Variants in KDM4C observed in about 807,000 individuals in gnomAD.
The protein encoded by KDM4C is lysine-specific demethylase 4C.
Under a neutral mutation model 129.3 loss-of-function variants are expected in KDM4C, and 81 were observed. The observed-to-expected ratio is 0.63, with a 90% confidence interval of 0.52 to 0.75. KDM4C has a LOEUF of 0.75. Ranked by LOEUF, KDM4C falls within the 30% of genes least tolerant of loss-of-function variation. The probability of loss-of-function intolerance (pLI) is 0.00; values close to 1 mark genes in which losing one functional copy is unlikely to be tolerated. For missense variants in KDM4C, 1,457 were observed against 1,304.0 expected, an observed-to-expected ratio of 1.12 and a Z score of -1.81; for synonymous variants, 573 against 456.1, an observed-to-expected ratio of 1.26 and a Z score of -3.26.
In KDM4C at chr9:6,986,590, G is replaced by C; in HGVS notation, c.1601G>C (p.Ser534Thr). 1 of 1,614,170 alleles carries C rather than the reference G, an allele frequency of 6.2e-7. No individual in the cohort carries two copies. Among genetic ancestry groups the C allele is most frequent in the Non-Finnish European group, 8.5e-7 (1 of 1,180,012 alleles). Reference protein sequence around the residue: ...LTEGEESDVESHGNGLEPGEI... With the variant: ...LTEGEESDVETHGNGLEPGEI... ...GAGGGAGAAGAGAGTGATGTGGAGA[G>C]CCATGGGAATGGCCTTGAACCTGGG... Residue 534 changes from serine to threonine, a missense_variant, in exon 11 of 22, where the codon AGC becomes ACC. Coordinates refer to ENST00000381309, the MANE Select transcript of KDM4C (RefSeq NM_015061.6).
chr9:7,121,233 G>T (rs908231885), intron 18 of KDM4C, among the ~76,000 whole-genome samples: 4 of 152,260 alleles, frequency 2.6e-5, no homozygotes, highest in Admixed American at 6.5e-5. Flanking sequence ...AAGCTATGCT[G>T]CCTCATGCAT....
chr9:7,116,604 A>T (rs759716617), intron 18 of KDM4C, among the ~76,000 whole-genome samples: 8 of 152,164 alleles, frequency 5.3e-5, no homozygotes, highest in Non-Finnish European at 8.8e-5. Flanking sequence ...AATCTGACAG[A>T]TGGATTTAGT....
chr9:7,045,508 G>A lies in KDM4C; in HGVS notation c.2260-1354G>A, dbSNP rs78198581. The stretch of plus-strand genomic sequence containing the variant: ...AGAACTTATAAAATGAACTACCAGA[G>A]TTCTCATTTTCAGTATTTGGATTGT... On this transcript the variant is annotated intron_variant, in intron 15 of 21. Coordinates refer to ENST00000381309, the MANE Select transcript of KDM4C (RefSeq NM_015061.6). 6.5e-3 allele frequency among the ~76,000 whole-genome samples: 995 copies of A among 152,078 alleles called. 8 individuals carry two copies. The highest frequency in any genetic ancestry group is 0.023 in the African/African-American group (948 of 41,482).
chr9:7,026,291 G>A (rs888476242), intron 15 of KDM4C, among the ~76,000 whole-genome samples: 2 of 150,922 alleles, frequency 1.3e-5, no homozygotes, highest in Non-Finnish European at 3.0e-5. Context: ...CTCAGGTTTT[G>A]TTTGTCTGGG....
Position 6,734,585 on chromosome 9 carries a change from T to C in KDM4C, c.49+13588T>C, listed in dbSNP as rs114328978. 1,491 of 227,122 alleles carry C rather than the reference T, an allele frequency of 6.6e-3. 22 individuals are homozygous for C. Among genetic ancestry groups the C allele is most frequent in the African/African-American group, 0.033 (1,414 of 42,742 alleles). 14.1% of individuals were successfully genotyped at this position (227,122 alleles called of 1,614,324 possible). A position where few individuals can be genotyped will look rare whatever the true frequency, so the allele number is the denominator to read the frequency against. The stretch of plus-strand genomic sequence containing the variant: ...CTGGGATTACAGGAGTGTGTCACCA[T>C]GCCTGGCCTGCATTCCTCTGTTTCT... On this transcript the variant is annotated intron_variant, in intron 1 of 17. Coordinates refer to the KDM4C transcript ENST00000536108.
intron 11 of KDM4C, among the ~76,000 whole-genome samples, chr9:6,988,015 T>A (rs1291759677): frequency 6.6e-6 from 1 of 150,438 alleles, no homozygotes; most frequent in East Asian, 2.0e-4. Context: ...TAAAAAAAAA[T>A]TTAGTGGTGT....
intron 5 of KDM4C, among the ~76,000 whole-genome samples, chr9:6,865,200 G>A (rs1841726068): frequency 6.6e-6 from 1 of 151,866 alleles, no homozygotes; most frequent in African/African-American, 2.4e-5. Flanking sequence ...AGTAGAGACG[G>A]GGTTTCACCG....
chr9:6,972,073 G>A (rs755554155), intron 8 of KDM4C, among the ~76,000 whole-genome samples: 5 of 152,022 alleles, frequency 3.3e-5, no homozygotes, highest in African/African-American at 7.2e-5. Context: ...ATGATTACAC[G>A]TGGCAAGTGA....
At chr9:6,825,113 T>C (rs1292032524) in intron 4 of KDM4C, among the ~76,000 whole-genome samples, 2 of 131,428 alleles carry the variant, frequency 1.5e-5, no homozygotes, top group Admixed American at 9.1e-5. Flanking sequence ...GCCATTGCAC[T>C]CCAGCCTGGG....
chr9:6,944,677 C>G (rs1203313406), intron 8 of KDM4C, among the ~76,000 whole-genome samples: 1 of 20,688 alleles, frequency 4.8e-5, no homozygotes, highest in Non-Finnish European at 1.1e-4. Context: ...TTTTTTTTGC[C>G]TCTGTGCAAC....
intron 8 of KDM4C, among the ~76,000 whole-genome samples, chr9:6,908,754 G>A (rs1818770789): frequency 6.6e-6 from 1 of 152,134 alleles, no homozygotes; most frequent in African/African-American, 2.4e-5. Context: ...CATTTAGTCT[G>A]CCTGGGTTTG....
chr9:6,731,402 C>T (rs896793342), intron 1 of KDM4C, among the ~76,000 whole-genome samples: 1 of 148,472 alleles, frequency 6.7e-6, no homozygotes. Context: ...TCTCAGCTCA[C>T]CGCAACCTCC....
chr9:6,932,608 T>C (rs1283540725), intron 8 of KDM4C, among the ~76,000 whole-genome samples: 1 of 152,152 alleles, frequency 6.6e-6, no homozygotes, highest in Non-Finnish European at 1.5e-5. Context: ...AGGAGGAAAC[T>C]GAGGCAAAGA....
At chr9:7,168,735 A>G (rs1157638454) in intron 20 of KDM4C, among the ~76,000 whole-genome samples, 1 of 152,186 alleles carries the variant, frequency 6.6e-6, no homozygotes, top group Admixed American at 6.5e-5. Flanking sequence ...CTCTGTAAGA[A>G]ATGCATAAAT....
intron 1 of KDM4C, among the ~76,000 whole-genome samples, chr9:6,737,654 G>A (rs1376362462): frequency 1.1e-5 from 1 of 87,924 alleles, no homozygotes; most frequent in African/African-American, 4.7e-5. Flanking sequence ...ACAAGAGTGA[G>A]ACTTCATCTC....
intron 8 of KDM4C, among the ~76,000 whole-genome samples, chr9:6,907,759 C>G (rs1375011448): frequency 6.6e-6 from 1 of 152,168 alleles, no homozygotes; most frequent in East Asian, 1.9e-4. Context: ...TGTGTTGAAA[C>G]TATATTCAGA....
chr9:7,001,237 C>G (rs1052825963), intron 12 of KDM4C, among the ~76,000 whole-genome samples: 9 of 152,056 alleles, frequency 5.9e-5, no homozygotes, highest in Non-Finnish European at 1.0e-4. Flanking sequence ...TGTTTATGTT[C>G]TTTGTTTTGT....
chr9:7,044,186 G>T (rs144345991), intron 15 of KDM4C, among the ~76,000 whole-genome samples: 3 of 151,962 alleles, frequency 2.0e-5, no homozygotes, highest in Non-Finnish European at 2.9e-5. Flanking sequence ...AGGGGATTGG[G>T]GATTCTTGTT....
chr9:7,068,686 CTTTTTTTTTTTTTT>C lies in KDM4C; in HGVS notation c.2424+19500_2424+19513del, dbSNP rs542039227. Among the ~76,000 whole-genome samples, 368 of 101,776 alleles carry C rather than the reference CTTTTTTTTTTTTTT, an allele frequency of 3.6e-3. 4 individuals carry two copies. Among genetic ancestry groups the C allele is most frequent in the Admixed American group, 0.012 (108 of 8,966 alleles). 66.8% of individuals were successfully genotyped at this position (101,776 alleles called of 152,430 possible). ...TTCATACATGTTTATGATGCCCTTT[CTTTTTTTTTTTTTT>C]TTTTTTTTTTTTTGAAACAGAATTT... On this transcript the variant is annotated intron_variant, in intron 17 of 21. Coordinates refer to ENST00000381309, the MANE Select transcript of KDM4C (RefSeq NM_015061.6).
Sources: allele counts gnomAD v4.1 joint callset (sites outside exome capture counted in the v4.1 genomes callset), GRCh38; gene constraint gnomAD v4.1.1; transcripts MANE v1.5; gene names NCBI Gene and HGNC (gene_info 2026-07-23, HGNC 2026-07-21).